Variants in ADARB2 observed in about 807,000 individuals in gnomAD.
ADARB2 encodes the protein adenosine deaminase RNA specific B2 (inactive).
ADARB2 carries 25 observed loss-of-function variants against 62.2 expected under a neutral mutation model. The ratio of observed to expected loss-of-function variants is 0.40; its 90% confidence interval spans 0.29 to 0.56. The LOEUF is 0.56. Ranked by LOEUF, ADARB2 falls within the 20% of genes least tolerant of loss-of-function variation. The probability of loss-of-function intolerance (pLI) is 0.43; values close to 1 mark genes in which losing one functional copy is unlikely to be tolerated. For missense variants in ADARB2, 1,071 were observed against 1,077.4 expected (o/e 0.99, Z 0.08); for synonymous variants, 572 against 500.8 (o/e 1.14, Z -1.90).
intron 3 of ADARB2, among the ~76,000 whole-genome samples, chr10:1,349,921 C>T (rs758860063): frequency 6.6e-6 from 1 of 152,112 alleles, no homozygotes; most frequent in East Asian, 1.9e-4. Context: ...CTTGGCTGCT[C>T]CCCACAACCA....
At chr10:1,332,239 A>G (rs1831934722) in intron 3 of ADARB2, among the ~76,000 whole-genome samples, 1 of 152,094 alleles carries the variant, frequency 6.6e-6, no homozygotes. Flanking sequence ...CCTCATCTCC[A>G]CAAAACAATA....
chr10:1,557,527 G>T (rs1337877048), intron 1 of ADARB2, among the ~76,000 whole-genome samples: 1 of 152,096 alleles, frequency 6.6e-6, no homozygotes, highest in East Asian at 1.9e-4. Flanking sequence ...CAGCTATTTT[G>T]CAATTTCCAG....
chr10:1,595,453 T>C (rs1402780194), intron 1 of ADARB2, among the ~76,000 whole-genome samples: 1 of 152,182 alleles, frequency 6.6e-6, no homozygotes, highest in Non-Finnish European at 1.5e-5. Flanking sequence ...AACACATCAA[T>C]ACAGTCAGAT....
intron 1 of ADARB2, among the ~76,000 whole-genome samples, chr10:1,653,211 G>A (rs1385370141): frequency 1.3e-5 from 2 of 152,202 alleles, no homozygotes; most frequent in Non-Finnish European, 2.9e-5. Flanking sequence ...AGACAGACAG[G>A]AGATGGCGAG....
intron 1 of ADARB2, among the ~76,000 whole-genome samples, chr10:1,628,632 A>G (rs564663740): frequency 2.0e-5 from 3 of 152,330 alleles, no homozygotes; most frequent in South Asian, 2.1e-4. Context: ...AGAAACCTCC[A>G]TGGGTGTGGA....
At chr10:1,573,012 T>C (rs1029135739) in intron 1 of ADARB2, among the ~76,000 whole-genome samples, 4 of 152,246 alleles carry the variant, frequency 2.6e-5, no homozygotes, top group Non-Finnish European at 4.4e-5. Context: ...GGCCCCAGCC[T>C]GTGAGAGGGT....
intron 1 of ADARB2, among the ~76,000 whole-genome samples, chr10:1,471,589 C>A (rs1254842554): frequency 6.6e-6 from 1 of 151,986 alleles, no homozygotes; most frequent in African/African-American, 2.4e-5. Context: ...GACAGTGTTT[C>A]TCCATGTTGG....
At chr10:1,478,073 C>G (rs141801190) in intron 1 of ADARB2, among the ~76,000 whole-genome samples, 1 of 152,240 alleles carries the variant, frequency 6.6e-6, no homozygotes, top group Non-Finnish European at 1.5e-5. Flanking sequence ...GAGTGAGGAT[C>G]TGGGCCTGCA....
chr10:1,690,051 A>C (rs1385593857), intron 1 of ADARB2, among the ~76,000 whole-genome samples: 1 of 152,248 alleles, frequency 6.6e-6, no homozygotes, highest in East Asian at 1.9e-4. Context: ...TGCTAACATC[A>C]ATAAATTGCT....
intron 2 of ADARB2, among the ~76,000 whole-genome samples, chr10:1,377,235 GTGTGCGCCCCTGGGGTGTGTGTGTT>G (rs1832440743): frequency 7.6e-6 from 1 of 132,164 alleles, no homozygotes; most frequent in African/African-American, 3.0e-5. Context: ...GGGTGTGTTT[GTGTGCGCCCCTGGGGTGTGTGTGTT>G]TGTGTGTGCC....
At chr10:1,405,849 G>T (rs560122698) in intron 1 of ADARB2, among the ~76,000 whole-genome samples, 2 of 149,100 alleles carry the variant, frequency 1.3e-5, no homozygotes, top group African/African-American at 2.5e-5. Flanking sequence ...TAAACCTTCC[G>T]CCAAGATACA....
At chr10:1,289,807 G>A (rs1285924044) in intron 3 of ADARB2, among the ~76,000 whole-genome samples, 5 of 152,254 alleles carry the variant, frequency 3.3e-5, no homozygotes, top group Non-Finnish European at 5.9e-5. Context: ...CAGCCAGCAC[G>A]CAGGAGCAGG....
intron 1 of ADARB2, among the ~76,000 whole-genome samples, chr10:1,560,304 A>G (rs986177878): frequency 2.6e-5 from 4 of 152,240 alleles, no homozygotes; most frequent in Non-Finnish European, 5.9e-5. Flanking sequence ...TTATTTGATC[A>G]AAACCACATT....
rs1424839254 is a variant in ADARB2 at position 1,510,118 on chromosome 10, T to TTCTC, written c.101-130959_101-130958insGAGA. ...CTCTTTTCTTTCTTTCTCTCTTTCTTTCTTTCTTTCTTTCTTTCTTTCTTT... is the reference window on the plus strand; with the variant it reads ...CTCTTTTCTTTCTTTCTCTCTTTCTTTCTCTCTTTCTTTCTTTCTTTCTTTCTTT... On this transcript the variant is annotated intron_variant, in intron 1 of 9. Transcript: ENST00000381312. 3.9e-4 allele frequency among the ~76,000 whole-genome samples: 25 copies of TTCTC among 64,846 alleles called. No homozygotes were observed. The South Asian group carries it at 8.8e-3, about 23-fold the overall frequency. The allele number at this position is 64,846 out of a possible 152,430, so 42.5% of individuals were successfully genotyped here.
Position 1,217,039 on chromosome 10 carries a change from C to T in ADARB2, c.1594G>A (p.Val532Met), listed in dbSNP as rs374363014. ...GTCTGCACTGCGCTGGGGCCACGCA[C>T]GGGGACCGTCCCTTCCCCGGACTCG... ...KIESGEGTVP[V>M]RGPSAVQTWD... Residue 532 changes from valine (V) to methionine (M), a missense_variant, in exon 7 of 10, where the codon GTG becomes ATG. Coordinates refer to ENST00000381312, the MANE Select transcript of ADARB2 (RefSeq NM_018702.4). 90 of 1,611,368 alleles carry T rather than the reference C, an allele frequency of 5.6e-5. No homozygotes were observed. Among genetic ancestry groups the T allele is most frequent in the African/African-American group, 4.1e-4 (31 of 75,050 alleles).
chr10:1,547,271 G>A (rs551104368), intron 1 of ADARB2, among the ~76,000 whole-genome samples: 9 of 137,464 alleles, frequency 6.5e-5, no homozygotes, highest in Non-Finnish European at 1.1e-4. Context: ...CGTATGCACT[G>A]TGGGGAGGGG....
At chr10:1,428,845 A>T (rs1010532730) in intron 1 of ADARB2, among the ~76,000 whole-genome samples, 1 of 151,946 alleles carries the variant, frequency 6.6e-6, no homozygotes. Context: ...ACGCAATCCC[A>T]CACACACATA....
At chr10:1,256,537 G>T (rs1662777780) in intron 4 of ADARB2, among the ~76,000 whole-genome samples, 1 of 152,192 alleles carries the variant, frequency 6.6e-6, no homozygotes, top group Non-Finnish European at 1.5e-5. Flanking sequence ...CTCACTTCCT[G>T]CAGCCAGTGG....
Position 1,453,157 on chromosome 10 carries a change from CA to C in ADARB2, c.101-73998del, listed in dbSNP as rs147828558. On this transcript the variant is annotated intron_variant, in intron 1 of 9. Transcript: ENST00000381312. ...AAACGTGGCCTTGAAGGAGTTGTATCAGCAAGACGTTAGACAAGGCAGCTCT... is the reference window on the plus strand; with the variant it reads ...AAACGTGGCCTTGAAGGAGTTGTATCGCAAGACGTTAGACAAGGCAGCTCT... Among the ~76,000 whole-genome samples, 3 of 152,332 alleles carry C rather than the reference CA, an allele frequency of 2.0e-5. No individual in the cohort carries two copies. The East Asian group carries it at 5.8e-4, about 29-fold the overall frequency.
Sources: gnomAD v4.1 joint callset for allele counts (sites outside exome capture counted in the v4.1 genomes callset) on GRCh38, gnomAD v4.1.1 for gene constraint, MANE v1.5 for transcripts, NCBI Gene and HGNC (gene_info 2026-07-23, HGNC 2026-07-21) for gene names.